Variants in BTN3A1 observed in about 807,000 individuals in gnomAD.
BTN3A1 encodes dJ45P21.3 (butyrophilin, subfamily 3, member A1).
In BTN3A1, 24 loss-of-function variants were observed where a neutral mutation model predicts 43.0. The ratio of observed to expected loss-of-function variants is 0.56; its 90% CI spans 0.40 to 0.78. BTN3A1 has a LOEUF of 0.78. Among genes scored for constraint, BTN3A1 ranks in the 30% least tolerant of loss-of-function variants. The pLI is 0.00. For synonymous variants in BTN3A1, 181 were observed against 234.7 expected, an observed-to-expected ratio of 0.77 and a Z score of 2.09; for missense variants, 533 against 626.2, an observed-to-expected ratio of 0.85 and a Z score of 1.59.
chr6:26,412,804 T>C (rs935988804), intron 9 of BTN3A1: 58 of 1,550,478 alleles, frequency 3.7e-5, no homozygotes, highest in Middle Eastern at 3.3e-4. Flanking sequence ...TCATGAGTGG[T>C]CGAATGAAGG....
At chr6:26,405,322 T>C (rs1761975459) in intron 1 of BTN3A1, 50 bp from the exon 2 acceptor site, 2 of 588,708 alleles carry the variant, frequency 3.4e-6, no homozygotes, top group Admixed American at 5.9e-5. Context: ...ACAGTGAGGA[T>C]TTTCTGATCG....
At chr6:26,404,710 C>T (rs960006393) in intron 1 of BTN3A1, among the ~76,000 whole-genome samples, 3 of 152,212 alleles carry the variant, frequency 2.0e-5, no homozygotes, top group African/African-American at 7.2e-5. Flanking sequence ...TCTGTCTGCA[C>T]CCATGCAAGT....
chr6:26,411,790 A>T (rs1453004509), intron 9 of BTN3A1: 6 of 592,606 alleles, frequency 1.0e-5, no homozygotes, highest in East Asian at 9.0e-5. Flanking sequence ...GGGCGAATAG[A>T]TCTCTTGCAC....
intron 1 of BTN3A1, among the ~76,000 whole-genome samples, chr6:26,403,881 T>C (rs1431129667): frequency 4.6e-5 from 7 of 152,168 alleles, no homozygotes; most frequent in African/African-American, 9.7e-5. Flanking sequence ...AAAAAAAATA[T>C]ATCCTTTATG....
chr6:26,407,547 T>C, intron 3 of BTN3A1, 124 bp from the exon 4 acceptor site: 1 of 1,264,494 alleles, frequency 7.9e-7, no homozygotes, highest in Non-Finnish European at 1.1e-6. Context: ...AGGACCACAC[T>C]TTTGTAAGCA....
chr6:26,411,027 TAGA>T, intron 7 of BTN3A1, 79 bp from the exon 8 acceptor site: 1 of 910,348 alleles, frequency 1.1e-6, no homozygotes, highest in Non-Finnish European at 1.5e-6. Flanking sequence ...AAAAAAAGAT[TAGA>T]TGGATGTAAA....
chr6:26,410,979 A>G (rs1288244052), intron 7 of BTN3A1, 130 bp from the exon 8 acceptor site: 1 of 711,230 alleles, frequency 1.4e-6, no homozygotes, highest in Non-Finnish European at 2.2e-6. Context: ...TTGAACCTGC[A>G]GAGGAGGAAG....
At chr6:26,406,956 C>T (rs978290088) in intron 3 of BTN3A1, among the ~76,000 whole-genome samples, 17 of 152,166 alleles carry the variant, frequency 1.1e-4, no homozygotes, top group African/African-American at 3.6e-4. Flanking sequence ...CAGGGTGAGA[C>T]TAAAGCTGTA....
Position 26,407,658 on chromosome 6 carries a change from C to T in BTN3A1, c.434-13C>T. On this transcript the variant is annotated splice_polypyrimidine_tract_variant and intron_variant, in intron 3 of 9. Coordinates refer to ENST00000289361, the MANE Select transcript of BTN3A1 (RefSeq NM_007048.6). Reference sequence around the variant, plus strand: ...GGCCTCTCAAGAATTTAGGCTAATTCATCCTTCCACAGCACTGGGTTCTGA... The same window carrying T: ...GGCCTCTCAAGAATTTAGGCTAATTTATCCTTCCACAGCACTGGGTTCTGA... 2 of 1,611,772 alleles carry T rather than the reference C, an allele frequency of 1.2e-6. No homozygotes were observed. Among genetic ancestry groups the T allele is most frequent in the Non-Finnish European group, 1.7e-6 (2 of 1,178,108 alleles).
intron 5 of BTN3A1, 50 bp downstream of exon 5, chr6:26,409,783 C>G (rs41266841): frequency 0.015 from 24,182 of 1,595,528 alleles, 266 homozygotes; most frequent in Non-Finnish European, 0.018. Context: ...GGGCCAAAGC[C>G]CAAAGACCTC....
rs1263736263 is a variant in BTN3A1 at position 26,409,336 on chromosome 6, T to C, written c.716-197T>C. On this transcript the variant is annotated intron_variant, in intron 4 of 9. Coordinates refer to ENST00000289361, the MANE Select transcript of BTN3A1 (RefSeq NM_007048.6). ...GAGGCAGACGTCTCAAGAGAAGTAA[T>C]AGTAGCAGCCTCTAGTGGGGGTTTA... 3.9e-5 allele frequency among the ~76,000 whole-genome samples: 6 copies of C among 152,286 alleles called. No individual in the cohort carries two copies. In the East Asian group the frequency reaches 9.6e-4, roughly 24 times the overall value.
chr6:26,403,245 T>G lies in BTN3A1; in HGVS notation c.-193+833T>G, dbSNP rs978664141. Reference sequence around the variant, plus strand: ...CACACCCAGCTAGTTTTTGTATTTTTAGTAGATTCGGAGTTTCGCCATATT... The same window carrying G: ...CACACCCAGCTAGTTTTTGTATTTTGAGTAGATTCGGAGTTTCGCCATATT... On this transcript the variant is annotated intron_variant, in intron 1 of 9. Transcript: ENST00000289361. Among the ~76,000 whole-genome samples the G allele has an allele frequency of 4.6e-5, 7 of 152,278 alleles. No individual in the cohort carries two copies. The East Asian group carries it at 1.4e-3, about 29-fold the overall frequency.
chr6:26,406,711 G>C (rs1368142531), intron 3 of BTN3A1, among the ~76,000 whole-genome samples: 1 of 152,218 alleles, frequency 6.6e-6, no homozygotes, highest in Non-Finnish European at 1.5e-5. Context: ...CATGGGAGCT[G>C]TGTTTCTTAC....
rs1429392029 is a variant in BTN3A1 at position 26,409,595 on chromosome 6, C to G, written c.778C>G (p.Leu260Val). The change falls in exon 5 of 10, where the codon CTG becomes GTG. Residue 260 changes from leucine (L) to valine (V), a missense_variant. By Grantham distance (32) the Leu-to-Val change is conservative (BLOSUM62 1). Coordinates refer to ENST00000289361, the MANE Select transcript of BTN3A1 (RefSeq NM_007048.6). ...CCTGGCAGGGACCCTGCCTGTCTTG[C>G]TGCTGCTTCTTGGGGGAGCCGGTTA... Reference protein sequence around the residue: ...AALAGTLPVLLLLLGGAGYFL... With the variant: ...AALAGTLPVLVLLLGGAGYFL... 1.2e-6 allele frequency: 2 copies of G among 1,613,560 alleles called. No homozygotes were observed. The highest frequency in any genetic ancestry group is 2.7e-5 in the African/African-American group (2 of 74,846).
Position 26,409,922 on chromosome 6 carries a change from C to G in BTN3A1, c.937+8C>G, listed in dbSNP as rs774870582. On this transcript the variant is annotated splice_region_variant and intron_variant, in intron 6 of 9. Transcript: ENST00000289361. ...AGCTCCTGGAGGAACTCAGTAAGTT[C>G]CCATTCCCCCAGAGACCCAGGCATG... The G allele has an allele frequency of 6.2e-7, 1 of 1,614,210 alleles. No homozygotes were observed.
At position 26,405,600 on chromosome 6, in the gene BTN3A1, A is replaced by C. The variant is rs766105293; in HGVS notation, c.37A>C (p.Asn13His). The change falls in exon 2 of 10, where the codon AAC becomes CAC. Residue 13 changes from asparagine to histidine, a missense_variant. This residue lies in a region of BTN3A1 where 56 missense variants were observed against 67.1 expected (regional missense o/e 0.83). Coordinates refer to ENST00000289361, the MANE Select transcript of BTN3A1 (RefSeq NM_007048.6). ...MASFLAFLLL[N>H]FRVCLLLLQL... Reference sequence around the variant, plus strand: ...AAGTTTCCTGGCCTTCCTTCTGCTCAACTTTCGTGTCTGCCTCCTTTTGCT... The same window carrying C: ...AAGTTTCCTGGCCTTCCTTCTGCTCCACTTTCGTGTCTGCCTCCTTTTGCT... 2 of 1,614,054 alleles carry C rather than the reference A, an allele frequency of 1.2e-6. No individual in the cohort carries two copies. The highest frequency in any genetic ancestry group is 1.7e-6 in the Non-Finnish European group (2 of 1,180,042).
intron 4 of BTN3A1, 127 bp from the exon 5 acceptor site, chr6:26,409,406 A>G: frequency 1.1e-6 from 1 of 896,158 alleles, no homozygotes; most frequent in Non-Finnish European, 1.8e-6. Context: ...CATGAGAAAG[A>G]TTATTTAACC....
Position 26,411,592 on chromosome 6 carries a change from C to T in BTN3A1, c.1018+11C>T, listed in dbSNP as rs765516907. 1 of 1,612,928 alleles carries T rather than the reference C, an allele frequency of 6.2e-7. No homozygotes were observed. Among genetic ancestry groups the T allele is most frequent in the East Asian group, 2.2e-5 (1 of 44,854 alleles). On this transcript the variant is annotated intron_variant, in intron 9 of 9. Transcript: ENST00000289361. ...CCCTCTTCAAGCCTGGTGAGTAAAT[C>T]ACTGTGTGTTCCCTGGACCAACAAC...
intron 7 of BTN3A1, among the ~76,000 whole-genome samples, 158 bp downstream of exon 7, chr6:26,410,190 A>G (rs57275245): frequency 0.17 from 25,013 of 150,370 alleles, 2,134 homozygotes; most frequent in South Asian, 0.23. Context: ...ATTGCCAAAA[A>G]GAAAAAAAAA....
Sources: gnomAD v4.1 joint callset for allele counts (sites outside exome capture counted in the v4.1 genomes callset) on GRCh38, gnomAD v4.1.1 for gene constraint, gnomAD v4.1.1 regional missense constraint, MANE v1.5 for transcripts, NCBI Gene and HGNC (gene_info 2026-07-23, HGNC 2026-07-21) for gene names.